Variants in ACTN4 observed in about 807,000 individuals in gnomAD.
ACTN4 encodes actinin alpha 4, also known as alpha-actinin-4.
In ACTN4, 18 loss-of-function variants were observed where a neutral mutation model predicts 114.2. That is an observed-to-expected ratio of 0.16 (90% confidence interval 0.11 to 0.23). The LOEUF is 0.23. Ranked by LOEUF, ACTN4 falls within the 10% of genes least tolerant of loss-of-function variation. The pLI, the probability that ACTN4 is intolerant of heterozygous loss-of-function variation, is 1.00. For missense variants in ACTN4, 722 were observed against 1,262.9 expected (o/e 0.57, Z 6.49); for synonymous variants, 515 against 506.3 (o/e 1.02, Z -0.23).
intron 9 of ACTN4, among the ~76,000 whole-genome samples, chr19:38,716,682 T>C (rs1452268735): frequency 6.6e-6 from 1 of 152,042 alleles, no homozygotes; most frequent in African/African-American, 2.4e-5. Flanking sequence ...AAACTTAAAA[T>C]AAAAATCAGC....
intron 1 of ACTN4, 102 bp from the exon 2 acceptor site, chr19:38,700,498 C>A: frequency 1.1e-6 from 1 of 928,666 alleles, no homozygotes; most frequent in Non-Finnish European, 1.8e-6. Context: ...TCCGTGGCAG[C>A]TGCGGTTCTC....
In ACTN4 at chr19:38,723,649, C is replaced by A; in HGVS notation, c.1478C>A (p.Thr493Asn). The change falls in exon 13 of 21, where the codon ACC becomes AAC. Residue 493 changes from threonine to asparagine, a missense_variant. Thr to Asn is a moderately conservative substitution (Grantham distance 65). This residue lies in a region of ACTN4 where 523 missense variants were observed against 875.9 expected (regional missense o/e 0.60). Transcript: ENST00000252699. Reference protein sequence around the residue: ...LDYYDSHNVNTRCQKICDQWD... With the variant: ...LDYYDSHNVNNRCQKICDQWD... ...TACTACGACTCCCACAATGTCAACA[C>A]CCGGTGCCAGAAGATCTGTGACCAG... 6.2e-7 allele frequency: 1 copy of A among 1,613,512 alleles called. No individual in the cohort carries two copies. The highest frequency in any genetic ancestry group is 1.3e-5 in the African/African-American group (1 of 75,028).
intron 1 of ACTN4, among the ~76,000 whole-genome samples, chr19:38,685,973 C>T (rs2047073969): frequency 6.6e-6 from 1 of 152,172 alleles, no homozygotes. Context: ...CATTTGAATA[C>T]TAGCAAAAAA....
chr19:38,715,051 C>T (rs1050925920), intron 9 of ACTN4, among the ~76,000 whole-genome samples: 4 of 152,166 alleles, frequency 2.6e-5, no homozygotes, highest in East Asian at 1.9e-4. Flanking sequence ...GGGTCAGGCA[C>T]GTGCCTGCTG....
Position 38,731,206 on chromosome 19 carries a change from G to A in ACTN4, c.*1774G>A, listed in dbSNP as rs763350796. 1 of 1,612,698 alleles carries A rather than the reference G, an allele frequency of 6.2e-7. No homozygotes were observed. The highest frequency in any genetic ancestry group is 1.1e-5 in the South Asian group (1 of 91,064). ...CGGCTGGTGAGGGTCTGGGTCAGCT[G>A]GTTGTTCAGGTGGAAGCCTAGGGGG... On this transcript the variant is annotated 3_prime_UTR_variant, in exon 21 of 21. Coordinates refer to ENST00000252699, the MANE Select transcript of ACTN4 (RefSeq NM_004924.6).
intron 1 of ACTN4, among the ~76,000 whole-genome samples, chr19:38,698,737 G>T (rs1452435134): frequency 6.6e-6 from 1 of 152,228 alleles, no homozygotes; most frequent in Admixed American, 6.5e-5. Flanking sequence ...ATTCTCCATG[G>T]TGAGAGGTGG....
chr19:38,650,829 G>A (rs750330061), intron 1 of ACTN4, among the ~76,000 whole-genome samples: 1 of 152,144 alleles, frequency 6.6e-6, no homozygotes, highest in African/African-American at 2.4e-5. Flanking sequence ...TCCGTCTCCC[G>A]GGTTCAAGCG....
intron 1 of ACTN4, 95 bp from the exon 2 acceptor site, chr19:38,700,505 T>C: frequency 9.9e-7 from 1 of 1,011,408 alleles, no homozygotes; most frequent in Non-Finnish European, 1.6e-6. Flanking sequence ...CAGCTGCGGT[T>C]CTCCTGAGGT....
intron 3 of ACTN4, among the ~76,000 whole-genome samples, chr19:38,704,594 G>A (rs1369636693): frequency 6.6e-6 from 1 of 152,260 alleles, no homozygotes; most frequent in Non-Finnish European, 1.5e-5. Flanking sequence ...TGAGAGTTGA[G>A]AGAGGTGTGA....
In ACTN4 at chr19:38,729,533, C is replaced by G. The variant is rs1599868972; in HGVS notation, c.*101C>G. 1.5e-6 allele frequency: 1 copy of G among 670,522 alleles called. No homozygotes were observed. The highest frequency in any genetic ancestry group is 6.4e-5 in the East Asian group (1 of 15,562). 41.5% of individuals were successfully genotyped at this position (670,522 alleles called of 1,614,324 possible). A position where few individuals can be genotyped will look rare whatever the true frequency, so the allele number is the denominator to read the frequency against. Reference sequence around the variant, plus strand: ...ACTCTGTATCTATGCAAAGCACTCTCTGCAGTCCTCCGGGGTGGGTGGGTG... The same window carrying G: ...ACTCTGTATCTATGCAAAGCACTCTGTGCAGTCCTCCGGGGTGGGTGGGTG... On this transcript the variant is annotated 3_prime_UTR_variant, in exon 21 of 21. Transcript: ENST00000252699.
At chr19:38,673,641 ATAT>A (rs1967250160) in intron 1 of ACTN4, among the ~76,000 whole-genome samples, 3 of 49,658 alleles carry the variant, frequency 6.0e-5, no homozygotes, top group African/African-American at 2.0e-4. Context: ...ATATATTTAT[ATAT>A]ATTTATATAT....
intron 1 of ACTN4, among the ~76,000 whole-genome samples, chr19:38,658,703 G>A (rs1011961672): frequency 1.3e-5 from 2 of 152,152 alleles, no homozygotes; most frequent in Non-Finnish European, 2.9e-5. Context: ...TTGCCAGGCC[G>A]GTTCAAGGGC....
At chr19:38,723,239 A>G (rs1020586265) in intron 12 of ACTN4, among the ~76,000 whole-genome samples, 2 of 151,988 alleles carry the variant, frequency 1.3e-5, no homozygotes, top group Non-Finnish European at 2.9e-5. Context: ...CCTGCTCCCC[A>G]TGTCCTGTTC....
At chr19:38,668,348 TA>T (rs1967026540) in intron 1 of ACTN4, among the ~76,000 whole-genome samples, 1 of 152,168 alleles carries the variant, frequency 6.6e-6, no homozygotes, top group Non-Finnish European at 1.5e-5. Flanking sequence ...GGCTTGGAGA[TA>T]CAACAAGAAA....
At position 38,714,502 on chromosome 19, in the gene ACTN4, C is replaced by T. The variant is rs1433399578; in HGVS notation, c.853C>T (p.Leu285=). 4 of 1,613,806 alleles carry T rather than the reference C, an allele frequency of 2.5e-6. No homozygotes were observed. In the African/African-American group the frequency reaches 5.3e-5, roughly 22 times the overall value. Residue 285 remains leucine, a synonymous_variant, in exon 9 of 21, where the codon CTG becomes TTG. Coordinates refer to ENST00000252699, the MANE Select transcript of ACTN4 (RefSeq NM_004924.6). ...TGCCGCCAACCGGATCTGTAAGGTGCTGGCTGTCAACCAAGAGAACGAGCA... is the reference window on the plus strand; with the variant it reads ...TGCCGCCAACCGGATCTGTAAGGTGTTGGCTGTCAACCAAGAGAACGAGCA... ...ETAANRICKV[L]AVNQENEHLM... is the part of the protein sequence containing the mutation.
intron 1 of ACTN4, among the ~76,000 whole-genome samples, chr19:38,652,270 G>A (rs1222157169): frequency 6.6e-6 from 1 of 152,120 alleles, no homozygotes; most frequent in African/African-American, 2.4e-5. Flanking sequence ...AGTATACTCT[G>A]TTTGCCCTCT....
chr19:38,671,579 G>A (rs1030550127), intron 1 of ACTN4, among the ~76,000 whole-genome samples: 22 of 152,314 alleles, frequency 1.4e-4, no homozygotes, highest in Admixed American at 1.3e-3. Context: ...TGAATGCAGC[G>A]TTTCTTATTG....
rs374245918 is a variant in ACTN4, at chr19:38,700,973, C to T, written c.278-29C>T. 5 of 1,611,186 alleles carry T rather than the reference C, an allele frequency of 3.1e-6. No individual in the cohort carries two copies. The African/African-American group carries it at 5.3e-5, about 17-fold the overall frequency. On this transcript the variant is annotated intron_variant, in intron 2 of 20. Coordinates refer to ENST00000252699, the MANE Select transcript of ACTN4 (RefSeq NM_004924.6). ...CTCCCTTTCTCTCTCTCTGTCTCGCCCCCTCTTTTCTCTTTGTGCACTTCT... is the reference window on the plus strand; with the variant it reads ...CTCCCTTTCTCTCTCTCTGTCTCGCTCCCTCTTTTCTCTTTGTGCACTTCT...
In ACTN4 at chr19:38,647,850, G is replaced by A. The variant is rs1473172190; in HGVS notation, c.105G>A (p.Glu35=). 6.5e-7 allele frequency: 1 copy of A among 1,548,256 alleles called. No individual in the cohort carries two copies. ...GCATGGGCGACTACATGGCCCAGGA[G>A]GACGACTGGGACCGGGACCTGCTGC... The part of the protein sequence containing the change: ...GGSMGDYMAQ[E]DDWDRDLLLD... Residue 35 remains glutamate, a synonymous_variant, in exon 1 of 21, where the codon GAG becomes GAA. Transcript: ENST00000252699.
Sources: gnomAD v4.1 joint callset for allele counts (sites outside exome capture counted in the v4.1 genomes callset) on GRCh38, gnomAD v4.1.1 for gene constraint, gnomAD v4.1.1 regional missense constraint, MANE v1.5 for transcripts, NCBI Gene and HGNC (gene_info 2026-07-23, HGNC 2026-07-21) for gene names.